The following PC variants were observed in gnomAD, a reference collection of about 807,000 sequenced individuals.
PC encodes the protein pyruvate carboxylase, mitochondrial.
In PC, 46 loss-of-function variants were observed where a neutral mutation model predicts 107.8. The observed-to-expected ratio is 0.43, with a 90% CI of 0.34 to 0.55. The LOEUF is 0.55. PC is among the 20% of genes least tolerant of loss of function. PC has a pLI of 0.04. For synonymous variants in PC, 662 were observed against 684.7 expected, an observed-to-expected ratio of 0.97 and a Z score of 0.52; for missense variants, 1,241 against 1,643.1, an observed-to-expected ratio of 0.76 and a Z score of 4.23.
At chr11:66,883,001 C>T (rs1218758234) in intron 3 of PC, among the ~76,000 whole-genome samples, 5 of 152,180 alleles carry the variant, frequency 3.3e-5, no homozygotes, top group African/African-American at 4.8e-5. Context: ...ATACCAAAGA[C>T]GGAAACAGAC....
chr11:66,862,150 C>T (rs967660249), intron 12 of PC, among the ~76,000 whole-genome samples: 3 of 152,164 alleles, frequency 2.0e-5, no homozygotes, highest in Admixed American at 6.5e-5. Flanking sequence ...CACCAGGAGC[C>T]GCAGCAAGGT....
At chr11:66,880,945 C>T (rs1001319167) in intron 3 of PC, among the ~76,000 whole-genome samples, 4 of 152,212 alleles carry the variant, frequency 2.6e-5, no homozygotes, top group Non-Finnish European at 5.9e-5. Context: ...CCTGCTCCCT[C>T]GAGCTGAGCC....
At chr11:66,891,341 T>C (rs1947565975) in intron 3 of PC, among the ~76,000 whole-genome samples, 1 of 151,896 alleles carries the variant, frequency 6.6e-6, no homozygotes, top group Non-Finnish European at 1.5e-5. Context: ...ATTACAGGCA[T>C]GAGCCACTGT....
At chr11:66,924,054 T>C (rs892902970) in intron 3 of PC, among the ~76,000 whole-genome samples, 3 of 151,138 alleles carry the variant, frequency 2.0e-5, no homozygotes, top group African/African-American at 7.3e-5. Flanking sequence ...ATACAAAAAT[T>C]AGCCAGGTGT....
At chr11:66,929,753 G>A (rs1248815069) in intron 3 of PC, among the ~76,000 whole-genome samples, 2 of 152,144 alleles carry the variant, frequency 1.3e-5, no homozygotes, top group East Asian at 1.9e-4. Context: ...CTGGGCTCAA[G>A]TGATCTTTCC....
chr11:66,903,773 A>T (rs12803228), intron 3 of PC, among the ~76,000 whole-genome samples: 21,127 of 60,866 alleles, frequency 0.35, 4,297 homozygotes, highest in South Asian at 0.55. Flanking sequence ...AAAAAAAAAA[A>T]ATATATATAT....
At chr11:66,911,755 G>A (rs1271401815) in intron 3 of PC, among the ~76,000 whole-genome samples, 2 of 152,152 alleles carry the variant, frequency 1.3e-5, no homozygotes, top group East Asian at 3.9e-4. Context: ...ACCTTAGGCT[G>A]GGCATGGCGG....
At chr11:66,892,071 T>C (rs184489787) in intron 3 of PC, among the ~76,000 whole-genome samples, 2 of 152,224 alleles carry the variant, frequency 1.3e-5, no homozygotes, top group East Asian at 3.9e-4. Context: ...TGGCAGACGC[T>C]TGGGAGGATG....
rs760538014 is a variant in PC, at chr11:66,858,165, G to A, written c.1369-4782C>T. 8 of 1,610,836 alleles carry A rather than the reference G, an allele frequency of 5.0e-6. No homozygotes were observed. The highest frequency in any genetic ancestry group is 1.1e-5 in the South Asian group (1 of 91,030). Reference sequence around the variant, plus strand: ...GGGCCGCATCGCGCCGGGAGCCTTCGACGACTTCCTAGAGAGCCTGGAGGA... The same window carrying A: ...GGGCCGCATCGCGCCGGGAGCCTTCAACGACTTCCTAGAGAGCCTGGAGGA... On this transcript the variant is annotated intron_variant, in intron 12 of 22. Coordinates refer to ENST00000393960, the MANE Select transcript of PC (RefSeq NM_001040716.2). This position sits in a 1 kb window ranked among gnomAD's most constrained non-coding sequence, Gnocchi z 5.9.
At chr11:66,923,320 C>A (rs1948637692) in intron 3 of PC, among the ~76,000 whole-genome samples, 1 of 150,376 alleles carries the variant, frequency 6.6e-6, no homozygotes, top group African/African-American at 2.4e-5. Flanking sequence ...CAAGATTGCG[C>A]CACTGCACTC....
chr11:66,935,408 C>G (rs572325738), intron 3 of PC, among the ~76,000 whole-genome samples: 20 of 152,334 alleles, frequency 1.3e-4, no homozygotes, highest in Non-Finnish European at 2.6e-4. Context: ...ACTGAAACAG[C>G]CTTGGGCAAC....
rs191256453 is a variant in PC, at chr11:66,939,620, T to C, written c.-1+12810A>G. On this transcript the variant is annotated intron_variant, in intron 3 of 22. Coordinates refer to ENST00000393960, the MANE Select transcript of PC (RefSeq NM_001040716.2). ...AGGAGTTTGAGACCAGCCTGACCAA[T>C]ACGGAGAAACCCCGTCTCTACTAAA... 8.6e-5 allele frequency among the ~76,000 whole-genome samples: 13 copies of C among 151,932 alleles called. No individual in the cohort carries two copies. In the East Asian group the frequency reaches 2.3e-3, roughly 27 times the overall value.
intron 3 of PC, among the ~76,000 whole-genome samples, chr11:66,943,875 T>C (rs916056767): frequency 7.3e-6 from 1 of 136,070 alleles, no homozygotes; most frequent in Non-Finnish European, 1.5e-5. Flanking sequence ...TCCCAGCTAA[T>C]AGAGAGGCTG....
At chr11:66,891,593 C>T (rs138706124) in intron 3 of PC, among the ~76,000 whole-genome samples, 35 of 147,030 alleles carry the variant, frequency 2.4e-4, no homozygotes, top group African/African-American at 7.8e-4. Flanking sequence ...GGTTTCACCA[C>T]GTTGGTCAGG....
chr11:66,913,785 A>G (rs143866979), intron 3 of PC, among the ~76,000 whole-genome samples: 216 of 152,260 alleles, frequency 1.4e-3, no homozygotes, highest in African/African-American at 5.2e-3. Flanking sequence ...AGAGTACCCC[A>G]AAGGATCCCA....
intron 20 of PC, 25 bp downstream of exon 20, chr11:66,849,904 CCCCACCCT>C: frequency 6.2e-7 from 1 of 1,613,614 alleles, no homozygotes; most frequent in Non-Finnish European, 8.5e-7. Flanking sequence ...TGCATCCAGC[CCCCACCCT>C]CACACCATGC....
chr11:66,915,297 C>T (rs1317816362), intron 3 of PC, among the ~76,000 whole-genome samples: 1 of 152,158 alleles, frequency 6.6e-6, no homozygotes. Flanking sequence ...AGGCAGATAA[C>T]CACAGTGGGA....
Position 66,944,647 on chromosome 11 carries a change from T to C in PC, c.-1+7783A>G, listed in dbSNP as rs1432160025. Among the ~76,000 whole-genome samples, 5 of 117,570 alleles carry C rather than the reference T, an allele frequency of 4.3e-5. 2 individuals carry two copies. The highest frequency in any genetic ancestry group is 4.0e-4 in the Admixed American group (5 of 12,474). The allele number at this position is 117,570 out of a possible 152,430, so 77.1% of individuals were successfully genotyped here. On this transcript the variant is annotated intron_variant, in intron 3 of 22. Coordinates refer to ENST00000393960, the MANE Select transcript of PC (RefSeq NM_001040716.2). ...TATAAATTACCTAGAATAAGGTTAT[T>C]TTGTTATAGCAGCCCAAAGGGATGA...
intron 3 of PC, among the ~76,000 whole-genome samples, chr11:66,881,913 C>T (rs1947201267): frequency 6.6e-6 from 1 of 152,216 alleles, no homozygotes; most frequent in African/African-American, 2.4e-5. Context: ...GAGTAAGTCA[C>T]GGCTTTCATC....
Sources: gnomAD v4.1 joint callset for allele counts (sites outside exome capture counted in the v4.1 genomes callset) on GRCh38, gnomAD v4.1.1 for gene constraint, Gnocchi (gnomAD v3.1) non-coding constraint, MANE v1.5 for transcripts, NCBI Gene and HGNC (gene_info 2026-07-23, HGNC 2026-07-21) for gene names.